FNDC3B: variants seen among roughly 807,000 people sequenced by gnomAD.
The protein encoded by FNDC3B is fibronectin type III domain containing 3B.
FNDC3B carries 12 observed loss-of-function variants against 151.5 expected under a neutral mutation model. The ratio of observed to expected loss-of-function variants is 0.08; its 90% CI spans 0.05 to 0.13. The LOEUF (loss-of-function observed/expected upper bound fraction) is 0.13, where lower values mean the gene tolerates loss of function less well. Among genes scored for constraint, FNDC3B ranks in the 10% least tolerant of loss-of-function variants. FNDC3B has a pLI of 1.00. For synonymous variants in FNDC3B, 528 were observed against 549.0 expected, an observed-to-expected ratio of 0.96 and a Z score of 0.54; for missense variants, 1,214 against 1,505.3, an observed-to-expected ratio of 0.81 and a Z score of 3.20.
chr3:172,220,745 T>C (rs975302363), intron 3 of FNDC3B, among the ~76,000 whole-genome samples: 1 of 152,156 alleles, frequency 6.6e-6, no homozygotes, highest in Non-Finnish European at 1.5e-5. Flanking sequence ...CCCTGGAATT[T>C]TGATAGGATT....
At chr3:172,197,735 A>G (rs1206651009) in intron 3 of FNDC3B, among the ~76,000 whole-genome samples, 1 of 152,232 alleles carries the variant, frequency 6.6e-6, no homozygotes, top group Non-Finnish European at 1.5e-5. Flanking sequence ...ATATATCCTC[A>G]TGATTAGATC....
chr3:172,329,381 A>G (rs1306874714), intron 12 of FNDC3B: 6 of 290,886 alleles, frequency 2.1e-5, no homozygotes, highest in African/African-American at 1.3e-4. Flanking sequence ...TTTAGATCAC[A>G]TGCCTTTTTC....
intron 2 of FNDC3B, among the ~76,000 whole-genome samples, chr3:172,131,107 A>G (rs1559980341): frequency 6.6e-6 from 1 of 152,168 alleles, no homozygotes; most frequent in Non-Finnish European, 1.5e-5. Context: ...TCAAGAAAAC[A>G]AATATTTGGC....
intron 3 of FNDC3B, among the ~76,000 whole-genome samples, chr3:172,142,526 A>G (rs556789282): frequency 2.6e-5 from 4 of 152,316 alleles, no homozygotes; most frequent in South Asian, 2.1e-4. Context: ...GCCACAGGCT[A>G]TTTCACAGCT....
intron 1 of FNDC3B, among the ~76,000 whole-genome samples, chr3:172,071,885 T>C (rs1396574313): frequency 1.3e-5 from 2 of 151,898 alleles, no homozygotes; most frequent in Non-Finnish European, 2.9e-5. Context: ...TTATCCTTGT[T>C]TTACAGATAG....
intron 1 of FNDC3B, among the ~76,000 whole-genome samples, chr3:172,092,751 T>C (rs1718903809): frequency 6.6e-6 from 1 of 152,242 alleles, no homozygotes; most frequent in African/African-American, 2.4e-5. Flanking sequence ...TGCTCCCCAG[T>C]ATCAGGACAC....
chr3:172,307,163 A>T, intron 9 of FNDC3B, 200 bp from the exon 10 acceptor site: 2 of 570,164 alleles, frequency 3.5e-6, no homozygotes, highest in Non-Finnish European at 6.3e-6. Flanking sequence ...ACACACTGAG[A>T]CAAATACCTG....
intron 14 of FNDC3B, among the ~76,000 whole-genome samples, chr3:172,333,811 T>C (rs1249176471): frequency 1.3e-5 from 2 of 152,158 alleles, no homozygotes; most frequent in African/African-American, 2.4e-5. Flanking sequence ...TTTCGAGCAG[T>C]CTCTTTGCTC....
intron 22 of FNDC3B, among the ~76,000 whole-genome samples, chr3:172,354,448 GC>G (rs1247196003): frequency 6.6e-6 from 1 of 151,336 alleles, no homozygotes; most frequent in East Asian, 1.9e-4. Context: ...ATATTGGTAT[GC>G]CCGTATCAGT....
At chr3:172,258,150 C>T (rs769539138) in intron 6 of FNDC3B, among the ~76,000 whole-genome samples, 1 of 152,074 alleles carries the variant, frequency 6.6e-6, no homozygotes, top group Non-Finnish European at 1.5e-5. Context: ...GGCAAGAATT[C>T]CAAATACGGA....
chr3:172,318,572 T>C (rs191629881), intron 11 of FNDC3B, among the ~76,000 whole-genome samples: 212 of 152,324 alleles, frequency 1.4e-3, no homozygotes, highest in African/African-American at 4.9e-3. Flanking sequence ...ATGGAGCAGC[T>C]ACAAGCACAG....
At chr3:172,199,221 C>T (rs1189556144) in intron 3 of FNDC3B, among the ~76,000 whole-genome samples, 14 of 151,470 alleles carry the variant, frequency 9.2e-5, no homozygotes, top group African/African-American at 3.2e-4. Context: ...TCGCTGTCGC[C>T]CAGGCTGGAG....
intron 3 of FNDC3B, among the ~76,000 whole-genome samples, chr3:172,160,054 C>T (rs546611566): frequency 6.6e-6 from 1 of 152,332 alleles, no homozygotes; most frequent in South Asian, 2.1e-4. Flanking sequence ...GAATCAGCCT[C>T]ACCAGTGGAT....
At chr3:172,259,755 T>G (rs1728545736) in intron 6 of FNDC3B, among the ~76,000 whole-genome samples, 1 of 152,218 alleles carries the variant, frequency 6.6e-6, no homozygotes, top group Non-Finnish European at 1.5e-5. Context: ...TCTTTTGCCT[T>G]TTGCCCTTTC....
intron 1 of FNDC3B, among the ~76,000 whole-genome samples, chr3:172,058,804 A>G (rs2108468587): frequency 6.6e-6 from 1 of 152,258 alleles, no homozygotes; most frequent in East Asian, 1.9e-4. Context: ...TCATATTAGC[A>G]CCATAACTTC....
At chr3:172,132,876 T>C (rs1325256553) in intron 2 of FNDC3B, among the ~76,000 whole-genome samples, 1 of 152,246 alleles carries the variant, frequency 6.6e-6, no homozygotes, top group East Asian at 1.9e-4. Context: ...TAATATTAAA[T>C]ATTTATGTTC....
At chr3:172,368,174 G>A (rs999110767) in intron 23 of FNDC3B, among the ~76,000 whole-genome samples, 4 of 151,682 alleles carry the variant, frequency 2.6e-5, no homozygotes, top group Admixed American at 6.6e-5. Flanking sequence ...GGAGGCTGAA[G>A]TGGGAGGATC....
chr3:172,157,153 C>T (rs575935496), intron 3 of FNDC3B, among the ~76,000 whole-genome samples: 95 of 152,214 alleles, frequency 6.2e-4, no homozygotes, highest in African/African-American at 2.2e-3. Flanking sequence ...TCTTAAGTTT[C>T]GCTAAGCTGC....
intron 11 of FNDC3B, among the ~76,000 whole-genome samples, chr3:172,312,446 C>T (rs1002299962): frequency 1.3e-5 from 2 of 152,198 alleles, no homozygotes; most frequent in Non-Finnish European, 2.9e-5. Flanking sequence ...GAAAGAAACT[C>T]GAATGACCTG....
Sources: allele counts gnomAD v4.1 joint callset (sites outside exome capture counted in the v4.1 genomes callset), GRCh38; gene constraint gnomAD v4.1.1; transcripts MANE v1.5; gene names NCBI Gene and HGNC (gene_info 2026-07-23, HGNC 2026-07-21).